Variants in TM9SF2 observed in about 807,000 individuals in gnomAD.
TM9SF2 encodes transmembrane 9 superfamily member 2.
TM9SF2 carries 13 observed loss-of-function variants against 84.9 expected under a neutral mutation model. The observed-to-expected ratio is 0.15, with a 90% CI of 0.10 to 0.24. The LOEUF (loss-of-function observed/expected upper bound fraction) is 0.24, where lower values mean the gene tolerates loss of function less well. Among genes scored for constraint, TM9SF2 ranks in the 10% least tolerant of loss-of-function variants. The probability of loss-of-function intolerance (pLI) is 1.00; values close to 1 mark genes in which losing one functional copy is unlikely to be tolerated. For synonymous variants in TM9SF2, 273 were observed against 285.8 expected (o/e 0.96, Z 0.45); for missense variants, 562 against 818.5 (o/e 0.69, Z 3.82).
intron 16 of TM9SF2, among the ~76,000 whole-genome samples, chr13:99,561,340 A>G (rs1276821104): frequency 6.6e-6 from 1 of 152,230 alleles, no homozygotes; most frequent in Non-Finnish European, 1.5e-5. Context: ...CCATATTAAG[A>G]ACAAAATTAA....
Position 99,559,413 on chromosome 13 carries a change from T to C in TM9SF2, c.1803T>C (p.Val601=). The C allele has an allele frequency of 6.2e-7, 1 of 1,610,942 alleles. No homozygotes were observed. Among genetic ancestry groups the C allele is most frequent in the African/African-American group, 1.3e-5 (1 of 74,930 alleles). Residue 601 remains valine, a synonymous_variant, in exon 16 of 17, where the codon GTT becomes GTC. Transcript: ENST00000376387. ...RSFLTSGFTA[V]YFLIYAVHYF... ...TCCTTACGAGTGGCTTTACTGCAGT[T>C]TATTTCTTAATCTATGCAGTACACT...
intron 16 of TM9SF2, among the ~76,000 whole-genome samples, chr13:99,560,920 C>T (rs1443299895): frequency 2.0e-5 from 3 of 152,064 alleles, no homozygotes; most frequent in Non-Finnish European, 2.9e-5. Context: ...TGACCTCAGA[C>T]GATCTGCCCG....
intron 15 of TM9SF2, 26 bp from the exon 16 acceptor site, chr13:99,559,337 C>A: frequency 1.3e-6 from 2 of 1,541,614 alleles, no homozygotes; most frequent in Non-Finnish European, 1.7e-6. Context: ...GAATGTAATT[C>A]TTGTTCTTTT....
chr13:99,538,123 G>GT (rs1203154349), intron 6 of TM9SF2, among the ~76,000 whole-genome samples: 3 of 152,152 alleles, frequency 2.0e-5, no homozygotes, highest in African/African-American at 7.2e-5. Context: ...GCTTTTCCAC[G>GT]TGTCAGTGGG....
intron 6 of TM9SF2, among the ~76,000 whole-genome samples, chr13:99,539,209 CAAAAAAA>C (rs869184030): frequency 1.0e-5 from 1 of 99,780 alleles, no homozygotes; most frequent in Non-Finnish European, 2.2e-5. Flanking sequence ...GACCCTGTCC[CAAAAAAA>C]AAAAAGAAAA....
intron 11 of TM9SF2, 148 bp downstream of exon 11, chr13:99,547,252 T>C: frequency 8.4e-7 from 1 of 1,196,644 alleles, no homozygotes; most frequent in South Asian, 1.9e-5. Context: ...GCTTGGTGAT[T>C]CCTTTTGTGT....
chr13:99,508,805 G>C (rs2046100935), intron 1 of TM9SF2, among the ~76,000 whole-genome samples: 1 of 152,166 alleles, frequency 6.6e-6, no homozygotes, highest in Non-Finnish European at 1.5e-5. Context: ...GCAGCACCAA[G>C]GGAGTGGTGC....
At chr13:99,525,701 G>A (rs543326560) in intron 3 of TM9SF2, among the ~76,000 whole-genome samples, 78 of 151,880 alleles carry the variant, frequency 5.1e-4, no homozygotes, top group South Asian at 2.5e-3. Flanking sequence ...GACTATAGGC[G>A]CCCGCCACTA....
chr13:99,513,244 A>T (rs2046120851), intron 1 of TM9SF2, among the ~76,000 whole-genome samples: 1 of 152,224 alleles, frequency 6.6e-6, no homozygotes, highest in South Asian at 2.1e-4. Flanking sequence ...CTTTGCTGTA[A>T]TTCTCTATGA....
At chr13:99,521,165 G>A (rs9585110) in intron 3 of TM9SF2, among the ~76,000 whole-genome samples, 3,777 of 152,166 alleles carry the variant, frequency 0.025, 164 homozygotes, top group African/African-American at 0.086. Flanking sequence ...ATTAAATGAT[G>A]CAAAAGAATA....
intron 11 of TM9SF2, 81 bp from the exon 12 acceptor site, chr13:99,549,084 C>A: frequency 8.1e-7 from 1 of 1,236,550 alleles, no homozygotes; most frequent in Non-Finnish European, 1.2e-6. Context: ...GACAGTTTGG[C>A]AAATATCAGA....
rs543264392 is a variant in TM9SF2, at chr13:99,518,951, C to T, written c.240-1085C>T. ...ATTGTGAAAAACGCTGCATGAATAT[C>T]CTTTATTCATTTGACCATTGTATAC... On this transcript the variant is annotated intron_variant, in intron 2 of 16. Coordinates refer to ENST00000376387, the MANE Select transcript of TM9SF2 (RefSeq NM_004800.3). Among the ~76,000 whole-genome samples, 4 of 151,966 alleles carry T rather than the reference C, an allele frequency of 2.6e-5. No individual in the cohort carries two copies. The East Asian group carries it at 7.7e-4, about 29-fold the overall frequency.
intron 1 of TM9SF2, 35 bp downstream of exon 1, chr13:99,501,812 T>G: frequency 6.3e-7 from 1 of 1,577,990 alleles, no homozygotes; most frequent in Non-Finnish European, 8.6e-7. Context: ...TGATGCACTG[T>G]TGGAAGGGGA....
At chr13:99,535,030 T>C (rs766745929) in intron 4 of TM9SF2, among the ~76,000 whole-genome samples, 2 of 152,046 alleles carry the variant, frequency 1.3e-5, no homozygotes, top group Non-Finnish European at 2.9e-5. Flanking sequence ...CATGCACCTG[T>C]AGTCCCAGCT....
chr13:99,544,658 G>T (rs2046275529), intron 10 of TM9SF2, among the ~76,000 whole-genome samples: 1 of 152,176 alleles, frequency 6.6e-6, no homozygotes, highest in Non-Finnish European at 1.5e-5. Context: ...GATATTCTTG[G>T]CTTCCACGGA....
At chr13:99,504,797 T>C (rs1205847606) in intron 1 of TM9SF2, among the ~76,000 whole-genome samples, 1 of 152,222 alleles carries the variant, frequency 6.6e-6, no homozygotes, top group Non-Finnish European at 1.5e-5. Flanking sequence ...TGCGTGCATT[T>C]GGATATTGAG....
intron 4 of TM9SF2, among the ~76,000 whole-genome samples, chr13:99,534,707 A>C (rs970881815): frequency 1.3e-5 from 2 of 152,248 alleles, no homozygotes; most frequent in Non-Finnish European, 2.9e-5. Flanking sequence ...GTTCTTCGTG[A>C]TAAAAAGTTG....
intron 1 of TM9SF2, among the ~76,000 whole-genome samples, chr13:99,508,404 AAC>A (rs61561266): frequency 0.058 from 7,788 of 134,374 alleles, 255 homozygotes; most frequent in Admixed American, 0.1. Context: ...AGGCAAACAA[AAC>A]ACACACACAC....
intron 13 of TM9SF2, among the ~76,000 whole-genome samples, chr13:99,553,623 T>G (rs2046314429): frequency 6.6e-6 from 1 of 152,240 alleles, no homozygotes; most frequent in African/African-American, 2.4e-5. Context: ...TTTTAAATTT[T>G]GGTTTATCAT....
Sources: gnomAD v4.1 joint callset for allele counts (sites outside exome capture counted in the v4.1 genomes callset) on GRCh38, gnomAD v4.1.1 for gene constraint, MANE v1.5 for transcripts, NCBI Gene and HGNC (gene_info 2026-07-23, HGNC 2026-07-21) for gene names.